HIKESHI: variants seen among roughly 807,000 people sequenced by gnomAD.
The protein encoded by HIKESHI is heat shock protein nuclear import factor hikeshi.
In HIKESHI, 13 loss-of-function variants were observed where a neutral mutation model predicts 25.7. That is an observed-to-expected ratio of 0.51 (90% CI 0.33 to 0.80). The LOEUF (loss-of-function observed/expected upper bound fraction) is 0.80, where lower values mean the gene tolerates loss of function less well. Among genes scored for constraint, HIKESHI ranks in the 30% least tolerant of loss-of-function variants. The probability of loss-of-function intolerance (pLI) is 0.02; values close to 1 mark genes in which losing one functional copy is unlikely to be tolerated. For missense variants in HIKESHI, 174 were observed against 229.5 expected (o/e 0.76, Z 1.56); for synonymous variants, 76 against 78.7 (o/e 0.97, Z 0.18).
Position 86,331,261 on chromosome 11 carries a change from G to A in HIKESHI, c.269-6118G>A, listed in dbSNP as rs748265188. Among the ~76,000 whole-genome samples the A allele has an allele frequency of 4.6e-5, 7 of 152,072 alleles. No homozygotes were observed. The East Asian group carries it at 5.8e-4, about 13-fold the overall frequency. ...TCCCAGCACTTTGGGAGGCCGAGGC[G>A]GGCGCATCTTTGAGAACAGGAGTTC... On this transcript the variant is annotated intron_variant, in intron 2 of 4. Transcript: ENST00000278483.
At chr11:86,308,904 C>CT (rs956641496) in intron 2 of HIKESHI, among the ~76,000 whole-genome samples, 1 of 152,016 alleles carries the variant, frequency 6.6e-6, no homozygotes, top group African/African-American at 2.4e-5. Flanking sequence ...TGAACTCATC[C>CT]TTTTTTACGG....
At chr11:86,303,420 C>G (rs1946544463) in intron 1 of HIKESHI, 1 of 983,946 alleles carries the variant, frequency 1.0e-6, no homozygotes, top group South Asian at 4.7e-5. Context: ...TCTTGAATGA[C>G]TGGGAGACCC....
intron 4 of HIKESHI, chr11:86,345,107 C>G (rs550853570): frequency 9.4e-7 from 1 of 1,064,510 alleles, no homozygotes; most frequent in Non-Finnish European, 1.1e-6. Flanking sequence ...TTTCTTTTCA[C>G]TTTGAGTATC....
At position 86,337,514 on chromosome 11, in the gene HIKESHI, T is replaced by C. The variant is rs1479429451; in HGVS notation, c.404T>C (p.Val135Ala). ...TPVGNAAVSS[V>A]DSFTQFTQKM... ...GTAGGTAATGCTGCTGTATCCTCAG[T>C]TGACTCATTCACTCAGGTAATGCAA... The change falls in exon 3 of 5, where the codon GTT becomes GCT. Residue 135 changes from valine (V) to alanine (A), a missense_variant. Transcript: ENST00000278483. 6 of 1,612,324 alleles carry C rather than the reference T, an allele frequency of 3.7e-6. No homozygotes were observed. Among genetic ancestry groups the C allele is most frequent in the East Asian group, 4.5e-5 (2 of 44,778 alleles).
chr11:86,329,692 T>C (rs1947372519), intron 2 of HIKESHI, among the ~76,000 whole-genome samples: 1 of 152,088 alleles, frequency 6.6e-6, no homozygotes, highest in African/African-American at 2.4e-5. Context: ...GGTTTTTTCT[T>C]CCTCTGCTTT....
intron 2 of HIKESHI, among the ~76,000 whole-genome samples, chr11:86,335,523 T>A (rs763356794): frequency 6.6e-6 from 1 of 152,194 alleles, no homozygotes; most frequent in South Asian, 2.1e-4. Flanking sequence ...TGGCTCACTT[T>A]AAGTCTCCGC....
chr11:86,330,579 G>C (rs1370715890), intron 2 of HIKESHI, among the ~76,000 whole-genome samples: 1 of 152,044 alleles, frequency 6.6e-6, no homozygotes, highest in Non-Finnish European at 1.5e-5. Context: ...GATTTAATCT[G>C]GTCCAGAGAA....
At chr11:86,329,264 T>A (rs1359058032) in intron 2 of HIKESHI, among the ~76,000 whole-genome samples, 2 of 152,042 alleles carry the variant, frequency 1.3e-5, no homozygotes, top group East Asian at 3.9e-4. Flanking sequence ...TGTTTTAAAT[T>A]GGTAGTCTAG....
At chr11:86,330,165 A>C (rs1049187982) in intron 2 of HIKESHI, among the ~76,000 whole-genome samples, 1 of 152,112 alleles carries the variant, frequency 6.6e-6, no homozygotes, top group Non-Finnish European at 1.5e-5. Context: ...TACAATATAC[A>C]TTGTTAACTT....
chr11:86,321,723 T>A (rs567946731), intron 2 of HIKESHI, among the ~76,000 whole-genome samples: 65 of 152,172 alleles, frequency 4.3e-4, no homozygotes, highest in African/African-American at 1.5e-3. Flanking sequence ...AGAGATGGGG[T>A]TTCACCATGT....
intron 2 of HIKESHI, among the ~76,000 whole-genome samples, chr11:86,334,908 G>A (rs557379959): frequency 6.6e-6 from 1 of 152,172 alleles, no homozygotes; most frequent in Non-Finnish European, 1.5e-5. Context: ...TGAAAGTGTT[G>A]GGATTACAGG....
intron 2 of HIKESHI, among the ~76,000 whole-genome samples, chr11:86,325,029 C>G (rs1465824125): frequency 6.6e-6 from 1 of 151,776 alleles, no homozygotes; most frequent in Non-Finnish European, 1.5e-5. Context: ...AAATAAAAAA[C>G]TTAGCCAGGC....
Position 86,302,288 on chromosome 11 carries a change from G to A in HIKESHI, c.-161G>A. 3 of 787,124 alleles carry A rather than the reference G, an allele frequency of 3.8e-6. No individual in the cohort carries two copies. Among genetic ancestry groups the A allele is most frequent in the Non-Finnish European group, 6.4e-6 (3 of 471,760 alleles). 48.8% of individuals were successfully genotyped at this position (787,124 alleles called of 1,614,324 possible). A position where few individuals can be genotyped will look rare whatever the true frequency, so the allele number is the denominator to read the frequency against. On this transcript the variant is annotated 5_prime_UTR_variant, in exon 1 of 5. Coordinates refer to ENST00000278483, the MANE Select transcript of HIKESHI (RefSeq NM_016401.4). ...AGGAAGAGAAGGTCAGAGTTCGCGGGGGCAGAGGCATTCTTGCCGCTGGCC... is the reference window on the plus strand; with the variant it reads ...AGGAAGAGAAGGTCAGAGTTCGCGGAGGCAGAGGCATTCTTGCCGCTGGCC...
At chr11:86,309,196 AGT>A (rs1946766766) in intron 2 of HIKESHI, among the ~76,000 whole-genome samples, 1 of 152,100 alleles carries the variant, frequency 6.6e-6, no homozygotes, top group Non-Finnish European at 1.5e-5. Context: ...AGAGTGTAAA[AGT>A]GTTCTATTTC....
intron 2 of HIKESHI, among the ~76,000 whole-genome samples, chr11:86,307,832 T>C (rs1428387034): frequency 8.4e-6 from 1 of 119,096 alleles, no homozygotes; most frequent in African/African-American, 3.5e-5. Flanking sequence ...TAATATACAT[T>C]ATATAAATAT....
intron 2 of HIKESHI, among the ~76,000 whole-genome samples, chr11:86,312,523 C>T (rs1226435501): frequency 6.7e-6 from 1 of 149,750 alleles, no homozygotes; most frequent in Non-Finnish European, 1.5e-5. Context: ...ATTTGCCAGC[C>T]TGTGTCTTTT....
intron 2 of HIKESHI, among the ~76,000 whole-genome samples, chr11:86,313,957 G>T (rs573128826): frequency 6.6e-6 from 1 of 152,276 alleles, no homozygotes; most frequent in South Asian, 2.1e-4. Context: ...TGACATCAGG[G>T]TATATGTGAG....
At chr11:86,322,678 T>C (rs978533202) in intron 2 of HIKESHI, among the ~76,000 whole-genome samples, 5 of 152,210 alleles carry the variant, frequency 3.3e-5, no homozygotes, top group Admixed American at 6.5e-5. Context: ...TAAGAAATCT[T>C]TGCCTAACCC....
chr11:86,322,491 A>G (rs1015920946), intron 2 of HIKESHI, among the ~76,000 whole-genome samples: 3 of 152,032 alleles, frequency 2.0e-5, no homozygotes, highest in Non-Finnish European at 4.4e-5. Context: ...TCTTGATACA[A>G]GTTCCTTATC....
Sources: allele counts gnomAD v4.1 joint callset (sites outside exome capture counted in the v4.1 genomes callset), GRCh38; gene constraint gnomAD v4.1.1; transcripts MANE v1.5; gene names NCBI Gene and HGNC (gene_info 2026-07-23, HGNC 2026-07-21).